The following GRID1 variants were observed in gnomAD, a reference collection of about 807,000 sequenced individuals.
GRID1 encodes the protein glutamate receptor ionotropic, delta-1.
Under a neutral mutation model 98.0 loss-of-function variants are expected in GRID1, and 28 were observed. That is an observed-to-expected ratio of 0.29 (90% confidence interval 0.21 to 0.39). The LOEUF is 0.39. Ranked by LOEUF, GRID1 falls within the 10% of genes least tolerant of loss-of-function variation. The pLI is 1.00. For synonymous variants in GRID1, 553 were observed against 538.5 expected (o/e 1.03, Z -0.37); for missense variants, 1,111 against 1,340.5 (o/e 0.83, Z 2.67).
chr10:86,082,884 T>G (rs941303370), intron 4 of GRID1, among the ~76,000 whole-genome samples: 4 of 152,178 alleles, frequency 2.6e-5, no homozygotes, highest in Non-Finnish European at 4.4e-5. Flanking sequence ...TTGTAGTGTG[T>G]TCCCAGCAGG....
intron 4 of GRID1, among the ~76,000 whole-genome samples, chr10:86,042,405 T>C (rs983145431): frequency 2.0e-5 from 3 of 152,078 alleles, no homozygotes; most frequent in African/African-American, 7.2e-5. Flanking sequence ...TGGGCCACAG[T>C]ACCTGGAGGA....
chr10:85,893,445 T>C (rs1841234491), intron 5 of GRID1, among the ~76,000 whole-genome samples: 1 of 152,162 alleles, frequency 6.6e-6, no homozygotes, highest in African/African-American at 2.4e-5. Flanking sequence ...AATAGTTCAC[T>C]ATATTCAGGG....
At chr10:86,186,041 C>A (rs983738738) in intron 3 of GRID1, among the ~76,000 whole-genome samples, 27 of 152,284 alleles carry the variant, frequency 1.8e-4, no homozygotes, top group African/African-American at 6.3e-4. Flanking sequence ...AAGCTATCTG[C>A]GTCTGGAGTT....
At chr10:85,986,885 C>T (rs1330956598) in intron 4 of GRID1, among the ~76,000 whole-genome samples, 1 of 152,158 alleles carries the variant, frequency 6.6e-6, no homozygotes, top group Non-Finnish European at 1.5e-5. Flanking sequence ...CTGTTCTGCT[C>T]TGTTCATTCC....
intron 2 of GRID1, among the ~76,000 whole-genome samples, chr10:86,258,625 G>T (rs752279121): frequency 2.6e-5 from 4 of 152,176 alleles, no homozygotes; most frequent in African/African-American, 9.7e-5. Context: ...CTTAGAGCTT[G>T]TTCAAAAGAG....
chr10:86,181,518 G>GAA (rs1201013041), intron 3 of GRID1, among the ~76,000 whole-genome samples: 12 of 152,224 alleles, frequency 7.9e-5, no homozygotes, highest in Non-Finnish European at 1.6e-4. Flanking sequence ...GACAGTCACA[G>GAA]TGGGTCCAGG....
chr10:85,617,729 A>G (rs540316241), intron 14 of GRID1, among the ~76,000 whole-genome samples: 1 of 152,270 alleles, frequency 6.6e-6, no homozygotes, highest in African/African-American at 2.4e-5. Flanking sequence ...GTAATCAATC[A>G]CTACTTGCCA....
chr10:85,937,001 C>A (rs148417273), intron 4 of GRID1, among the ~76,000 whole-genome samples: 84 of 152,314 alleles, frequency 5.5e-4, no homozygotes, highest in African/African-American at 2.0e-3. Context: ...CCAGACCGAC[C>A]TGGAGAGCAG....
intron 2 of GRID1, among the ~76,000 whole-genome samples, chr10:86,247,008 A>T (rs532242121): frequency 6.6e-6 from 1 of 152,244 alleles, no homozygotes; most frequent in Non-Finnish European, 1.5e-5. Flanking sequence ...AATGAGCCTC[A>T]TCTCTTTTTG....
intron 13 of GRID1, among the ~76,000 whole-genome samples, chr10:85,640,564 T>C (rs948459459): frequency 1.3e-5 from 2 of 152,218 alleles, no homozygotes; most frequent in Admixed American, 6.5e-5. Context: ...AACCAGGAGC[T>C]GCCACATATG....
chr10:86,321,588 G>A, intron 2 of GRID1, among the ~76,000 whole-genome samples: 1 of 152,164 alleles, frequency 6.6e-6, no homozygotes, highest in Non-Finnish European at 1.5e-5. Context: ...GCATATCCGG[G>A]AGAGGGCTGC....
At chr10:85,968,382 C>T (rs929335296) in intron 4 of GRID1, among the ~76,000 whole-genome samples, 6 of 141,602 alleles carry the variant, frequency 4.2e-5, no homozygotes, top group African/African-American at 8.0e-5. Context: ...ACCCGGGAGG[C>T]GGAGCTGGCT....
intron 5 of GRID1, among the ~76,000 whole-genome samples, chr10:85,889,970 C>A (rs1287550182): frequency 6.6e-6 from 1 of 152,008 alleles, no homozygotes; most frequent in Admixed American, 6.6e-5. Flanking sequence ...TCAATTCATA[C>A]AATGCATAGT....
chr10:85,790,468 G>A (rs1010515176), intron 8 of GRID1, among the ~76,000 whole-genome samples: 1 of 152,238 alleles, frequency 6.6e-6, no homozygotes, highest in African/African-American at 2.4e-5. Context: ...AGGACAGGCA[G>A]ATGATGAAGG....
intron 8 of GRID1, among the ~76,000 whole-genome samples, chr10:85,802,358 T>C (rs939358221): frequency 3.9e-5 from 6 of 152,106 alleles, no homozygotes; most frequent in Middle Eastern, 3.2e-3. Flanking sequence ...TAGTTCAGTA[T>C]TGGTACAGTG....
chr10:86,206,343 C>T lies in GRID1; in HGVS notation c.520+21G>A. The T allele has an allele frequency of 6.4e-7, 1 of 1,571,592 alleles. No individual in the cohort carries two copies. The highest frequency in any genetic ancestry group is 1.2e-5 in the South Asian group (1 of 83,396). The stretch of plus-strand genomic sequence containing the variant: ...CATCCCTGTCCCCAAGCAGCCCCAG[C>T]TCGCCTGCCGGACAACTCACCATAC... On this transcript the variant is annotated intron_variant, in intron 3 of 15. Transcript: ENST00000327946. This position sits in a 1 kb window ranked among gnomAD's most constrained non-coding sequence, Gnocchi z 4.1.
chr10:85,671,996 G>A (rs529738701), intron 12 of GRID1, among the ~76,000 whole-genome samples: 1 of 152,322 alleles, frequency 6.6e-6, no homozygotes, highest in African/African-American at 2.4e-5. Context: ...AGCTAGCAGA[G>A]GTTGGTTCAT....
chr10:85,734,805 A>C (rs930990661), intron 8 of GRID1, among the ~76,000 whole-genome samples: 1 of 152,190 alleles, frequency 6.6e-6, no homozygotes, highest in Non-Finnish European at 1.5e-5. Context: ...ATCCGTCTGC[A>C]ATCCAAAATA....
At chr10:86,240,318 C>T (rs988728042) in intron 2 of GRID1, among the ~76,000 whole-genome samples, 3 of 152,164 alleles carry the variant, frequency 2.0e-5, no homozygotes, top group Non-Finnish European at 4.4e-5. Flanking sequence ...CCCATCACTC[C>T]AGCACACACA....
Sources: allele counts gnomAD v4.1 joint callset (sites outside exome capture counted in the v4.1 genomes callset), GRCh38; gene constraint gnomAD v4.1.1; non-coding constraint Gnocchi (gnomAD v3.1); transcripts MANE v1.5; gene names NCBI Gene and HGNC (gene_info 2026-07-23, HGNC 2026-07-21).